MKLN1: variants seen among roughly 807,000 people sequenced by gnomAD.
MKLN1 encodes the protein muskelin 1, also known as muskelin.
Under a neutral mutation model 99.0 loss-of-function variants are expected in MKLN1, and 18 were observed. That is an observed-to-expected ratio of 0.18 (90% CI 0.13 to 0.27). The LOEUF (loss-of-function observed/expected upper bound fraction) is 0.27, where lower values mean the gene tolerates loss of function less well. MKLN1 is among the 10% of genes least tolerant of loss of function. The pLI, the probability that MKLN1 is intolerant of heterozygous loss-of-function variation, is 1.00. For missense variants in MKLN1, 621 were observed against 875.9 expected, an observed-to-expected ratio of 0.71 and a Z score of 3.67; for synonymous variants, 288 against 293.2, an observed-to-expected ratio of 0.98 and a Z score of 0.18.
chr7:131,135,212 TC>T (rs1440222898), intron 1 of MKLN1, among the ~76,000 whole-genome samples: 12 of 152,226 alleles, frequency 7.9e-5, no homozygotes, highest in Admixed American at 7.2e-4. Flanking sequence ...TACCTGCGTC[TC>T]CCAGGTTCAA....
intron 2 of MKLN1, among the ~76,000 whole-genome samples, chr7:131,148,682 A>G (rs1795848190): frequency 6.6e-6 from 1 of 152,160 alleles, no homozygotes; most frequent in African/African-American, 2.4e-5. Context: ...CTGAAGTGGA[A>G]GAATCACTTG....
At chr7:131,213,573 A>T (rs914564548) in intron 3 of MKLN1, among the ~76,000 whole-genome samples, 2 of 152,226 alleles carry the variant, frequency 1.3e-5, no homozygotes, top group East Asian at 3.8e-4. Flanking sequence ...TCTAACAGCC[A>T]AGAATATCTT....
At chr7:131,171,699 C>G (rs567024099) in intron 2 of MKLN1, among the ~76,000 whole-genome samples, 1 of 152,218 alleles carries the variant, frequency 6.6e-6, no homozygotes, top group Admixed American at 6.5e-5. Context: ...CTCAGGTGAT[C>G]CACCCACCTC....
chr7:131,249,516 T>C (rs1797544850), intron 3 of MKLN1, among the ~76,000 whole-genome samples: 2 of 152,220 alleles, frequency 1.3e-5, no homozygotes, highest in South Asian at 2.1e-4. Context: ...TTGACCTTGC[T>C]AGGCACTGAG....
chr7:131,292,624 A>T (rs1377328309), intron 3 of MKLN1, among the ~76,000 whole-genome samples: 1 of 152,204 alleles, frequency 6.6e-6, no homozygotes, highest in Non-Finnish European at 1.5e-5. Flanking sequence ...AAGCCAAGGA[A>T]TGCCTAGGGC....
intron 3 of MKLN1, among the ~76,000 whole-genome samples, chr7:131,302,885 C>T (rs977669471): frequency 1.3e-5 from 2 of 152,150 alleles, no homozygotes; most frequent in Non-Finnish European, 2.9e-5. Flanking sequence ...TTGACAGGTT[C>T]AATGAGAAGG....
chr7:131,292,162 GC>G (rs1798229103), intron 3 of MKLN1, among the ~76,000 whole-genome samples: 1 of 152,220 alleles, frequency 6.6e-6, no homozygotes, highest in Non-Finnish European at 1.5e-5. Flanking sequence ...CAAATTTGAG[GC>G]AAGTTGATCA....
intron 12 of MKLN1, among the ~76,000 whole-genome samples, chr7:131,461,467 G>A (rs932982357): frequency 2.0e-5 from 3 of 151,984 alleles, no homozygotes; most frequent in African/African-American, 7.2e-5. Context: ...GTGTGTGTGT[G>A]TGTATAATTT....
rs138481727 is a variant in MKLN1, at chr7:131,492,023, A to G, written c.*4295A>G. ...AAATTAATAACATTCAGATATTGCTATAAATGTACTTGAGTCATTTTCATT... is the reference window on the plus strand; with the variant it reads ...AAATTAATAACATTCAGATATTGCTGTAAATGTACTTGAGTCATTTTCATT... On this transcript the variant is annotated 3_prime_UTR_variant, in exon 18 of 18. Coordinates refer to ENST00000352689, the MANE Select transcript of MKLN1 (RefSeq NM_013255.5). 3 of 152,352 alleles carry G rather than the reference A, an allele frequency of 2.0e-5. No homozygotes were observed. The highest frequency in any genetic ancestry group is 3.9e-4 in the East Asian group (2 of 5,182). The allele number at this position is 152,352 out of a possible 1,614,324, so 9.4% of individuals were successfully genotyped here.
chr7:131,250,787 G>C (rs1439094179), intron 3 of MKLN1, among the ~76,000 whole-genome samples: 1 of 152,154 alleles, frequency 6.6e-6, no homozygotes, highest in Non-Finnish European at 1.5e-5. Flanking sequence ...AGGGCACAGG[G>C]AAGCAGATGC....
chr7:131,235,343 G>A (rs1170967901), intron 3 of MKLN1, among the ~76,000 whole-genome samples: 1 of 151,988 alleles, frequency 6.6e-6, no homozygotes, highest in Non-Finnish European at 1.5e-5. Context: ...GAGAGAGAGA[G>A]AGCATCTTCA....
upstream of MKLN1, chr7:131,323,745 A>G (rs1584601858): frequency 6.6e-6 from 1 of 152,270 alleles, no homozygotes; most frequent in Non-Finnish European, 1.5e-5. Context: ...CATGTTTTGG[A>G]CTGTCTCTAA....
In MKLN1 at chr7:131,318,029, C is replaced by T. The variant is rs569793957; in HGVS notation, c.-178-57395C>T. Among the ~76,000 whole-genome samples, 3 of 152,292 alleles carry T rather than the reference C, an allele frequency of 2.0e-5. No individual in the cohort carries two copies. In the South Asian group the frequency reaches 6.2e-4, roughly 32 times the overall value. On this transcript the variant is annotated intron_variant, in intron 3 of 7. Transcript: ENST00000416992. ...AATAGTGGGAGACTTTAACACCACA[C>T]TGTCAATATTAGACAGATCAACAAG...
intron 2 of MKLN1, among the ~76,000 whole-genome samples, chr7:131,168,860 C>T (rs780384914): frequency 2.1e-5 from 3 of 145,398 alleles, no homozygotes; most frequent in Non-Finnish European, 4.5e-5. Flanking sequence ...AAATTTAAAT[C>T]GTTGTTTTCT....
intron 3 of MKLN1, among the ~76,000 whole-genome samples, 166 bp downstream of exon 3, chr7:131,387,428 C>G (rs1794066323): frequency 6.6e-6 from 1 of 152,020 alleles, no homozygotes; most frequent in Non-Finnish European, 1.5e-5. Context: ...AGTTAGCTTT[C>G]TTTTTTATTT....
intron 1 of MKLN1, among the ~76,000 whole-genome samples, chr7:131,138,003 G>A (rs916312377): frequency 7.1e-6 from 1 of 141,778 alleles, no homozygotes; most frequent in Non-Finnish European, 1.5e-5. Flanking sequence ...TCGGCTCACC[G>A]CAACCTCCGC....
At chr7:131,436,794 T>G (rs950874605) in intron 9 of MKLN1, among the ~76,000 whole-genome samples, 1 of 152,202 alleles carries the variant, frequency 6.6e-6, no homozygotes, top group Non-Finnish European at 1.5e-5. Context: ...ATTTTTTATG[T>G]TTTATTGGGT....
chr7:131,203,504 C>T (rs1030964706), intron 3 of MKLN1, among the ~76,000 whole-genome samples: 34 of 152,194 alleles, frequency 2.2e-4, no homozygotes, highest in African/African-American at 8.2e-4. Context: ...TGGCCAGCAG[C>T]GGCTGCATCT....
chr7:131,400,517 A>AT (rs199938788), intron 6 of MKLN1, among the ~76,000 whole-genome samples: 2,751 of 129,446 alleles, frequency 0.021, 54 homozygotes, highest in African/African-American at 0.073. Context: ...AATAAAAAAA[A>AT]AATATATATA....
Sources: allele counts gnomAD v4.1 joint callset (sites outside exome capture counted in the v4.1 genomes callset), GRCh38; gene constraint gnomAD v4.1.1; transcripts MANE v1.5; gene names NCBI Gene and HGNC (gene_info 2026-07-23, HGNC 2026-07-21).